ADCY8: variants seen among roughly 807,000 people sequenced by gnomAD.
ADCY8 encodes the protein adenylate cyclase type 8.
Under a neutral mutation model 119.7 loss-of-function variants are expected in ADCY8, and 51 were observed. The observed-to-expected ratio is 0.43, with a 90% CI of 0.34 to 0.54. The LOEUF is 0.54. Ranked by LOEUF, ADCY8 falls within the 20% of genes least tolerant of loss-of-function variation. ADCY8 has a pLI of 0.03. For missense variants in ADCY8, 1,383 were observed against 1,598.8 expected (o/e 0.87, Z 2.30); for synonymous variants, 665 against 651.0 (o/e 1.02, Z -0.33).
intron 12 of ADCY8, among the ~76,000 whole-genome samples, chr8:130,831,863 T>C (rs1816844971): frequency 6.6e-6 from 1 of 152,158 alleles, no homozygotes; most frequent in South Asian, 2.1e-4. Flanking sequence ...ATTTGTGATA[T>C]GGAGGGGTGA....
chr8:130,918,199 AC>A (rs1306725601), intron 5 of ADCY8, among the ~76,000 whole-genome samples: 1 of 152,210 alleles, frequency 6.6e-6, no homozygotes, highest in East Asian at 1.9e-4. Context: ...TGTATTTCTC[AC>A]AATTCTGGAG....
intron 12 of ADCY8, among the ~76,000 whole-genome samples, chr8:130,823,306 T>G (rs895177672): frequency 3.9e-5 from 6 of 152,214 alleles, no homozygotes; most frequent in Admixed American, 1.3e-4. Flanking sequence ...GAGCACAGAC[T>G]GCAGAATATG....
chr8:130,883,589 A>G (rs1044637945), intron 8 of ADCY8, among the ~76,000 whole-genome samples: 3 of 152,198 alleles, frequency 2.0e-5, no homozygotes, highest in Non-Finnish European at 2.9e-5. Flanking sequence ...AGCTGAACAA[A>G]CTTACAAAAA....
At chr8:130,848,162 G>A (rs1817391800) in intron 10 of ADCY8, among the ~76,000 whole-genome samples, 1 of 152,140 alleles carries the variant, frequency 6.6e-6, no homozygotes, top group East Asian at 1.9e-4. Flanking sequence ...GTGTCACTGA[G>A]CTGGTGACTG....
At chr8:130,875,323 A>C (rs1400768594) in intron 8 of ADCY8, among the ~76,000 whole-genome samples, 1 of 152,238 alleles carries the variant, frequency 6.6e-6, no homozygotes. Flanking sequence ...TTACTAGAGC[A>C]GTAAAAACTC....
At chr8:130,899,433 C>T (rs540672816) in intron 7 of ADCY8, among the ~76,000 whole-genome samples, 1 of 152,104 alleles carries the variant, frequency 6.6e-6, no homozygotes, top group African/African-American at 2.4e-5. Flanking sequence ...TGGTGAAATC[C>T]CATCTCTACT....
chr8:131,023,934 C>A (rs997092057), intron 1 of ADCY8, among the ~76,000 whole-genome samples: 3 of 152,184 alleles, frequency 2.0e-5, no homozygotes, highest in African/African-American at 7.2e-5. Flanking sequence ...GTGTGGAAAG[C>A]TCTAAGAAGA....
chr8:130,819,859 C>T (rs1434334502), intron 13 of ADCY8, among the ~76,000 whole-genome samples: 1 of 152,162 alleles, frequency 6.6e-6, no homozygotes, highest in Non-Finnish European at 1.5e-5. Flanking sequence ...AATGGGAAAA[C>T]AAGTCAAAGC....
intron 4 of ADCY8, among the ~76,000 whole-genome samples, chr8:130,939,691 T>A (rs1034435509): frequency 1.3e-5 from 2 of 152,226 alleles, no homozygotes; most frequent in Non-Finnish European, 2.9e-5. Context: ...ATTCCTCATA[T>A]GTGACAAGTG....
intron 2 of ADCY8, among the ~76,000 whole-genome samples, chr8:130,953,229 T>C (rs973532446): frequency 2.6e-5 from 4 of 152,178 alleles, no homozygotes; most frequent in African/African-American, 9.7e-5. Flanking sequence ...AATTATCTAG[T>C]TGAGGCATAT....
At chr8:130,847,071 T>C (rs1817352886) in intron 11 of ADCY8, among the ~76,000 whole-genome samples, 2 of 151,254 alleles carry the variant, frequency 1.3e-5, no homozygotes, top group South Asian at 4.2e-4. Context: ...ATTTTACAAA[T>C]AAGCTAGGAG....
chr8:130,912,340 G>A (rs1586564256), intron 5 of ADCY8, among the ~76,000 whole-genome samples: 1 of 152,294 alleles, frequency 6.6e-6, no homozygotes, highest in Non-Finnish European at 1.5e-5. Flanking sequence ...TGTTTACTGA[G>A]TAGGTGGATG....
At chr8:130,924,822 C>T (rs1378692257) in intron 5 of ADCY8, among the ~76,000 whole-genome samples, 1 of 152,186 alleles carries the variant, frequency 6.6e-6, no homozygotes, top group East Asian at 1.9e-4. Context: ...TTTGGCCTAT[C>T]ACCCCGCCTA....
At chr8:130,799,850 G>A (rs913329414) in intron 15 of ADCY8, among the ~76,000 whole-genome samples, 1 of 152,116 alleles carries the variant, frequency 6.6e-6, no homozygotes, top group Non-Finnish European at 1.5e-5. Flanking sequence ...ATGGACACTG[G>A]TGTCCTTCAA....
intron 9 of ADCY8, among the ~76,000 whole-genome samples, chr8:130,859,549 C>T (rs1036891328): frequency 9.8e-5 from 15 of 152,326 alleles, no homozygotes; most frequent in Admixed American, 2.0e-4. Context: ...CCATTTTACT[C>T]CCCACATCCC....
chr8:131,018,007 G>A (rs1469346875), intron 1 of ADCY8, among the ~76,000 whole-genome samples: 1 of 152,178 alleles, frequency 6.6e-6, no homozygotes, highest in Non-Finnish European at 1.5e-5. Flanking sequence ...AACATTTTAT[G>A]TTTTATTGTA....
At chr8:131,002,349 A>C (rs1822975360) in intron 1 of ADCY8, among the ~76,000 whole-genome samples, 1 of 152,240 alleles carries the variant, frequency 6.6e-6, no homozygotes, top group Admixed American at 6.5e-5. Context: ...GGTATGTGTT[A>C]TAGAAAGGCC....
Position 130,803,176 on chromosome 8 carries a change from C to T in ADCY8, c.2914-2604G>A, listed in dbSNP as rs193253248. On this transcript the variant is annotated intron_variant, in intron 14 of 17. Transcript: ENST00000286355. ...CACACTTAAATGCTTTTATTCCTAC[C>T]GTCTGTCCCTGGGTGGGAAATGTTC... 2.8e-4 allele frequency among the ~76,000 whole-genome samples: 43 copies of T among 152,300 alleles called. No individual in the cohort carries two copies. The South Asian group carries it at 3.1e-3, about 11-fold the overall frequency.
intron 5 of ADCY8, among the ~76,000 whole-genome samples, chr8:130,932,145 A>G (rs553532375): frequency 6.6e-5 from 10 of 152,312 alleles, no homozygotes; most frequent in African/African-American, 2.4e-4. Flanking sequence ...GGGCAGCTGC[A>G]GCCAGAGTGA....
Sources: allele counts gnomAD v4.1 joint callset (sites outside exome capture counted in the v4.1 genomes callset), GRCh38; gene constraint gnomAD v4.1.1; transcripts MANE v1.5; gene names NCBI Gene and HGNC (gene_info 2026-07-23, HGNC 2026-07-21).